ADCY2: variants seen among roughly 807,000 people sequenced by gnomAD.
ADCY2 encodes adenylate cyclase type 2.
A neutral mutation model predicts 125.2 loss-of-function variants in ADCY2; 31 were observed. The observed-to-expected ratio is 0.25, with a 90% confidence interval of 0.19 to 0.33. ADCY2 has a LOEUF of 0.33. Ranked by LOEUF, ADCY2 falls within the 10% of genes least tolerant of loss-of-function variation. The pLI, the probability that ADCY2 is intolerant of heterozygous loss-of-function variation, is 1.00. For missense variants in ADCY2, 904 were observed against 1,418.2 expected (o/e 0.64, Z 5.82); for synonymous variants, 512 against 548.4 (o/e 0.93, Z 0.93).
chr5:7,472,479 T>C (rs973083568), intron 2 of ADCY2, among the ~76,000 whole-genome samples: 1 of 152,058 alleles, frequency 6.6e-6, no homozygotes, highest in Non-Finnish European at 1.5e-5. Flanking sequence ...CTTTCTGATA[T>C]ACATATATAA....
rs114945300 is a variant in ADCY2, at chr5:7,736,854, G to T, written c.1872-6814G>T. On this transcript the variant is annotated intron_variant, in intron 14 of 24. Transcript: ENST00000338316. ...TTTGTTAGTAGATTAACACATAATT[G>T]TCTCTAAATCAGTTGATATGTGTTT... Among the ~76,000 whole-genome samples the T allele has an allele frequency of 6.9e-3, 1,045 of 152,162 alleles. 5 individuals are homozygous for T. The highest frequency in any genetic ancestry group is 0.011 in the Non-Finnish European group (732 of 67,978).
At chr5:7,636,278 G>T (rs978217504) in intron 4 of ADCY2, among the ~76,000 whole-genome samples, 3 of 152,254 alleles carry the variant, frequency 2.0e-5, no homozygotes, top group Admixed American at 2.0e-4. Context: ...CAACCAGCAG[G>T]TGCAGAATGA....
chr5:7,444,201 C>T (rs1741137065), intron 2 of ADCY2, among the ~76,000 whole-genome samples: 1 of 150,966 alleles, frequency 6.6e-6, no homozygotes, highest in African/African-American at 2.4e-5. Flanking sequence ...GCAAGCTCCG[C>T]CTCCCGGGTT....
At chr5:7,416,466 TCCTTCC>T (rs1739951124) in intron 2 of ADCY2, among the ~76,000 whole-genome samples, 1 of 152,132 alleles carries the variant, frequency 6.6e-6, no homozygotes, top group Non-Finnish European at 1.5e-5. Context: ...TTACACTCTG[TCCTTCC>T]CCACTCAATT....
rs199680989 is a variant in ADCY2 at position 7,757,515 on chromosome 5, C to T, written c.2023C>T (p.Arg675Cys). Residue 675 changes from arginine (R) to cysteine (C), a missense_variant, in exon 16 of 25, where the codon CGC becomes TGC. Transcript: ENST00000338316. ...GAAGTCCTCGGGCATCATTGCCAAC[C>T]GCCCCTGGCCACGGATCTCTCTCAC... ...LLKSSGIIAN[R>C]PWPRISLTII... The T allele has an allele frequency of 2.9e-4, 467 of 1,614,102 alleles. 7 individuals are homozygous for T. The South Asian group carries it at 3.1e-3, about 11-fold the overall frequency.
rs1741356067 is a variant in ADCY2 at position 7,709,058 on chromosome 5, C to A, written c.1402-153C>A. Among the ~76,000 whole-genome samples the A allele has an allele frequency of 6.6e-6, 1 of 152,060 alleles. No homozygotes were observed. The highest frequency in any genetic ancestry group is 2.4e-5 in the African/African-American group (1 of 41,400). Reference sequence around the variant, plus strand: ...ATTCCCTCAACTCAAATAGTGTGTTCCCCAGTAACACTGAAGGAATAAGGA... The same window carrying A: ...ATTCCCTCAACTCAAATAGTGTGTTACCCAGTAACACTGAAGGAATAAGGA... On this transcript the variant is annotated intron_variant, in intron 9 of 24. Coordinates refer to ENST00000338316, the MANE Select transcript of ADCY2 (RefSeq NM_020546.3). The surrounding 1 kb of genome is among the most constrained non-coding windows in gnomAD (Gnocchi z 4.4).
chr5:7,584,135 A>T (rs1736538014), intron 3 of ADCY2, among the ~76,000 whole-genome samples: 1 of 152,036 alleles, frequency 6.6e-6, no homozygotes. Flanking sequence ...CTTTACTCTG[A>T]TGGATGCATT....
At chr5:7,809,211 A>G (rs1466024460) in intron 22 of ADCY2, among the ~76,000 whole-genome samples, 1 of 152,208 alleles carries the variant, frequency 6.6e-6, no homozygotes, top group Non-Finnish European at 1.5e-5. Context: ...GTTTTAGGAC[A>G]TTGAAATATG....
chr5:7,812,306 C>T (rs936992240), intron 22 of ADCY2, among the ~76,000 whole-genome samples: 3 of 152,178 alleles, frequency 2.0e-5, no homozygotes, highest in Non-Finnish European at 4.4e-5. Flanking sequence ...CTTCTGCTCT[C>T]ATGCTGTTAA....
At chr5:7,401,580 A>G (rs1263940653) in intron 1 of ADCY2, among the ~76,000 whole-genome samples, 1 of 152,234 alleles carries the variant, frequency 6.6e-6, no homozygotes, top group Non-Finnish European at 1.5e-5. Flanking sequence ...ATGCTTCCTC[A>G]TAATTAATTC....
At chr5:7,596,052 T>C (rs933345413) in intron 3 of ADCY2, among the ~76,000 whole-genome samples, 3 of 152,190 alleles carry the variant, frequency 2.0e-5, no homozygotes, top group Admixed American at 6.5e-5. Flanking sequence ...TTCTTAGGAT[T>C]ATATTAAATT....
chr5:7,418,466 C>T (rs376198515), intron 2 of ADCY2, among the ~76,000 whole-genome samples: 4 of 152,182 alleles, frequency 2.6e-5, no homozygotes, highest in East Asian at 1.9e-4. Context: ...CCCACTATTC[C>T]TAAGCCAGGA....
intron 16 of ADCY2, among the ~76,000 whole-genome samples, chr5:7,764,930 G>A (rs555728617): frequency 6.6e-6 from 1 of 152,260 alleles, no homozygotes; most frequent in South Asian, 2.1e-4. Flanking sequence ...TATGATTTTA[G>A]ACAGAATGAA....
chr5:7,514,500 C>T (rs530506154), intron 2 of ADCY2, among the ~76,000 whole-genome samples: 1 of 152,306 alleles, frequency 6.6e-6, no homozygotes, highest in African/African-American at 2.4e-5. Context: ...TACTTGAGAT[C>T]TAAACCCTGG....
At chr5:7,768,767 A>G (rs1317619869) in intron 17 of ADCY2, among the ~76,000 whole-genome samples, 1 of 152,212 alleles carries the variant, frequency 6.6e-6, no homozygotes, top group African/African-American at 2.4e-5. Flanking sequence ...GGGTCTCTCA[A>G]ATCTAGGTGG....
intron 4 of ADCY2, among the ~76,000 whole-genome samples, chr5:7,630,568 C>T (rs958277518): frequency 6.6e-6 from 1 of 152,094 alleles, no homozygotes; most frequent in African/African-American, 2.4e-5. Flanking sequence ...CTTACAGTTT[C>T]AGAGGTTACA....
At chr5:7,426,813 C>A (rs1438083820) in intron 2 of ADCY2, among the ~76,000 whole-genome samples, 1 of 152,142 alleles carries the variant, frequency 6.6e-6, no homozygotes, top group Non-Finnish European at 1.5e-5. Flanking sequence ...GAGGTCATGG[C>A]TCCTTTTGCC....
At chr5:7,453,181 A>G (rs563846886) in intron 2 of ADCY2, among the ~76,000 whole-genome samples, 14 of 152,266 alleles carry the variant, frequency 9.2e-5, no homozygotes, top group African/African-American at 3.4e-4. Flanking sequence ...GCCTGAGCCA[A>G]TGTCCAGATG....
intron 20 of ADCY2, among the ~76,000 whole-genome samples, chr5:7,791,368 A>G (rs937940992): frequency 2.0e-5 from 3 of 152,220 alleles, no homozygotes; most frequent in African/African-American, 2.4e-5. Flanking sequence ...CTCAACCTGG[A>G]TGATACCAGA....
Sources: allele counts gnomAD v4.1 joint callset (sites outside exome capture counted in the v4.1 genomes callset), GRCh38; gene constraint gnomAD v4.1.1; non-coding constraint Gnocchi (gnomAD v3.1); transcripts MANE v1.5; gene names NCBI Gene and HGNC (gene_info 2026-07-23, HGNC 2026-07-21).